The following CALN1 variants were observed in gnomAD, a reference collection of about 807,000 sequenced individuals.
The protein encoded by CALN1 is calneuron 1.
A neutral mutation model predicts 30.6 loss-of-function variants in CALN1; 17 were observed. The observed-to-expected ratio is 0.56, with a 90% CI of 0.38 to 0.83. CALN1 has a LOEUF of 0.83. Among genes scored for constraint, CALN1 ranks in the 40% least tolerant of loss-of-function variants. The pLI, the probability that CALN1 is intolerant of heterozygous loss-of-function variation, is 0.00. For missense variants in CALN1, 291 were observed against 354.9 expected, an observed-to-expected ratio of 0.82 and a Z score of 1.45; for synonymous variants, 156 against 131.4, an observed-to-expected ratio of 1.19 and a Z score of -1.28.
At chr7:72,333,161 C>G (rs1801786448) in intron 2 of CALN1, among the ~76,000 whole-genome samples, 1 of 152,158 alleles carries the variant, frequency 6.6e-6, no homozygotes, top group Non-Finnish European at 1.5e-5. Context: ...AAAAGCTAAC[C>G]ACGTCCTAAT....
intron 5 of CALN1, among the ~76,000 whole-genome samples, chr7:71,931,557 G>A (rs1584539011): frequency 1.3e-5 from 2 of 152,252 alleles, no homozygotes; most frequent in Admixed American, 6.5e-5. Context: ...ATGCGCCACC[G>A]CGCCCAGCTG....
intron 4 of CALN1, among the ~76,000 whole-genome samples, chr7:72,069,564 A>T (rs1804250592): frequency 6.6e-6 from 1 of 151,842 alleles, no homozygotes; most frequent in Non-Finnish European, 1.5e-5. Context: ...CATCTTCACA[A>T]GGCCTTCTTT....
Position 71,785,730 on chromosome 7 carries a change from G to A in CALN1, c.*2045C>T, listed in dbSNP as rs1792953586. The A allele has an allele frequency of 6.6e-6, 1 of 152,370 alleles. No homozygotes were observed. Among genetic ancestry groups the A allele is most frequent in the South Asian group, 2.1e-4 (1 of 4,836 alleles). The allele number at this position is 152,370 out of a possible 1,614,324, so 9.4% of individuals were successfully genotyped here. ...GAGATTAAGGATGAAGTTGTTCGAT[G>A]TATTAATATTCTGCATTTGGACCGG... On this transcript the variant is annotated 3_prime_UTR_variant, in exon 7 of 7. Transcript: ENST00000395275.
At chr7:71,851,252 C>CACA (rs1491431075) in intron 5 of CALN1, among the ~76,000 whole-genome samples, 13 of 149,578 alleles carry the variant, frequency 8.7e-5, no homozygotes, top group African/African-American at 2.7e-4. Context: ...CACACACACA[C>CACA]ATCACACATA....
At chr7:72,280,013 CA>C (rs1303884099) in intron 2 of CALN1, among the ~76,000 whole-genome samples, 3 of 152,192 alleles carry the variant, frequency 2.0e-5, no homozygotes, top group Non-Finnish European at 4.4e-5. Flanking sequence ...ACCAGGAGCA[CA>C]AAGCCAGTTA....
intron 3 of CALN1, among the ~76,000 whole-genome samples, chr7:72,196,024 A>G (rs1193823015): frequency 6.6e-6 from 1 of 152,220 alleles, no homozygotes; most frequent in Non-Finnish European, 1.5e-5. Context: ...GCAAACAGAG[A>G]GAGACAGAAA....
At chr7:72,130,688 G>A (rs1301579291) in intron 3 of CALN1, among the ~76,000 whole-genome samples, 1 of 152,102 alleles carries the variant, frequency 6.6e-6, no homozygotes, top group African/African-American at 2.4e-5. Context: ...GGTGTTATGA[G>A]GGACACTTTC....
intron 5 of CALN1, among the ~76,000 whole-genome samples, chr7:71,877,827 C>T (rs771286452): frequency 3.3e-5 from 5 of 151,998 alleles, no homozygotes; most frequent in African/African-American, 7.2e-5. Flanking sequence ...CATGAATAGG[C>T]GAGAAAGTCC....
chr7:72,352,454 A>ATG (rs1395386518), intron 2 of CALN1, among the ~76,000 whole-genome samples: 1 of 143,366 alleles, frequency 7.0e-6, no homozygotes, highest in Non-Finnish European at 1.6e-5. Flanking sequence ...AACATTCTAT[A>ATG]ACCATAACGG....
At chr7:72,291,939 GATGGT>G (rs1220541436) in intron 2 of CALN1, among the ~76,000 whole-genome samples, 1 of 151,506 alleles carries the variant, frequency 6.6e-6, no homozygotes, top group Admixed American at 6.6e-5. Context: ...TTGCCAATGT[GATGGT>G]ATTAGCAGAT....
chr7:72,246,753 A>ATTTTTTT (rs58282615), intron 3 of CALN1, among the ~76,000 whole-genome samples: 19,736 of 115,820 alleles, frequency 0.17, 2,250 homozygotes, highest in Middle Eastern at 0.34. Flanking sequence ...TACCAGAACA[A>ATTTTTTT]TTTTTTTTTT....
intron 3 of CALN1, among the ~76,000 whole-genome samples, chr7:72,260,762 T>C (rs901096456): frequency 6.6e-6 from 1 of 152,120 alleles, no homozygotes; most frequent in Non-Finnish European, 1.5e-5. Flanking sequence ...TTTGTCTCCA[T>C]GACACCCCTT....
intron 4 of CALN1, among the ~76,000 whole-genome samples, chr7:72,076,067 C>G (rs1187063072): frequency 6.6e-5 from 10 of 152,040 alleles, no homozygotes; most frequent in Admixed American, 6.5e-4. Flanking sequence ...AAGCTCTGTC[C>G]TAGGCTAATA....
intron 4 of CALN1, among the ~76,000 whole-genome samples, chr7:72,027,687 G>T (rs190132836): frequency 6.6e-6 from 1 of 150,576 alleles, no homozygotes; most frequent in Non-Finnish European, 1.5e-5. Flanking sequence ...CTCCAGCCTG[G>T]GTTGACAGAG....
At chr7:72,422,407 A>G (rs779704643) in intron 1 of CALN1, among the ~76,000 whole-genome samples, 1 of 152,168 alleles carries the variant, frequency 6.6e-6, no homozygotes. Flanking sequence ...GAGTAACCAC[A>G]AGCCCCCCTG....
At chr7:72,501,887 C>T in the CALN1 span, among the ~76,000 whole-genome samples, 62 of 108,888 alleles carry the variant, frequency 5.7e-4, 1 homozygote, top group South Asian at 7.9e-3. Context: ...CCAGCCTGGG[C>T]AACAGAGCGA....
chr7:72,373,171 T>C (rs1451355592), intron 2 of CALN1, among the ~76,000 whole-genome samples: 1 of 152,068 alleles, frequency 6.6e-6, no homozygotes, highest in African/African-American at 2.4e-5. Flanking sequence ...CCAGAGAATG[T>C]GAACATAGAC....
intron 2 of CALN1, among the ~76,000 whole-genome samples, chr7:72,368,598 A>ATT (rs1383028786): frequency 1.3e-5 from 2 of 152,142 alleles, no homozygotes. Context: ...AGGAGAATGA[A>ATT]TAAAGTAACA....
intron 3 of CALN1, among the ~76,000 whole-genome samples, chr7:72,260,783 C>G (rs1455923490): frequency 6.6e-6 from 1 of 152,104 alleles, no homozygotes; most frequent in African/African-American, 2.4e-5. Flanking sequence ...TTCCCACTTC[C>G]CCCCACCACA....
Sources: gnomAD v4.1 joint callset for allele counts (sites outside exome capture counted in the v4.1 genomes callset) on GRCh38, gnomAD v4.1.1 for gene constraint, MANE v1.5 for transcripts, NCBI Gene and HGNC (gene_info 2026-07-23, HGNC 2026-07-21) for gene names.